The following INSYN2A variants were observed in gnomAD, a reference collection of about 807,000 sequenced individuals.
INSYN2A encodes the protein family with sequence similarity 196 member A.
A neutral mutation model predicts 39.4 loss-of-function variants in INSYN2A; 17 were observed. That is an observed-to-expected ratio of 0.43 (90% confidence interval 0.30 to 0.65). The LOEUF (loss-of-function observed/expected upper bound fraction) is 0.65, where lower values mean the gene tolerates loss of function less well. Ranked by LOEUF, INSYN2A falls within the 30% of genes least tolerant of loss-of-function variation. The probability of loss-of-function intolerance (pLI) is 0.14; values close to 1 mark genes in which losing one functional copy is unlikely to be tolerated. For synonymous variants in INSYN2A, 255 were observed against 265.7 expected (o/e 0.96, Z 0.39); for missense variants, 595 against 631.2 (o/e 0.94, Z 0.61).
chr10:127,190,091 A>G (rs1403776397), intron 2 of INSYN2A, among the ~76,000 whole-genome samples: 1 of 152,132 alleles, frequency 6.6e-6, no homozygotes, highest in East Asian at 1.9e-4. Context: ...AGTGAGATAC[A>G]TTTTCTCAAT....
At chr10:127,142,919 C>T (rs1180648166) in intron 5 of INSYN2A, among the ~76,000 whole-genome samples, 1 of 152,140 alleles carries the variant, frequency 6.6e-6, no homozygotes, top group Non-Finnish European at 1.5e-5. Flanking sequence ...TGTACATTTC[C>T]AAAGAAAGAA....
In INSYN2A at chr10:127,175,493, C is replaced by T. The variant is rs564423956; in HGVS notation, c.903G>A (p.Ser301=). Residue 301 remains serine, a synonymous_variant, in exon 4 of 6, where the codon TCG becomes TCA. Transcript: ENST00000522781. The surrounding 1 kb of genome is among the most constrained non-coding windows in gnomAD (Gnocchi z 6.3). ...GGGGTGAGCAGGCCAGGGCAGTTTC[C>T]GAGGGCGCCTGGAGCCCGTTGAGAT... is the stretch of plus-strand genomic sequence containing the variant. The part of the protein sequence containing the change: ...ATHLNGLQAP[S]ETALACSPPM... 49 of 1,608,822 alleles carry T rather than the reference C, an allele frequency of 3.0e-5. No individual in the cohort carries two copies. The East Asian group carries it at 4.2e-4, about 14-fold the overall frequency.
chr10:127,162,097 T>C (rs2053640168), intron 4 of INSYN2A, among the ~76,000 whole-genome samples: 2 of 152,200 alleles, frequency 1.3e-5, no homozygotes, highest in Non-Finnish European at 2.9e-5. Flanking sequence ...TATTGTCTGA[T>C]TGGTTTCTCT....
At chr10:127,173,280 GAAGA>G (rs770419189) in intron 4 of INSYN2A, among the ~76,000 whole-genome samples, 1 of 152,134 alleles carries the variant, frequency 6.6e-6, no homozygotes, top group Non-Finnish European at 1.5e-5. Context: ...ACTTACAGGT[GAAGA>G]AAGAAGGCAC....
chr10:127,160,588 G>A (rs1304642193), intron 4 of INSYN2A, among the ~76,000 whole-genome samples: 1 of 152,246 alleles, frequency 6.6e-6, no homozygotes, highest in Non-Finnish European at 1.5e-5. Flanking sequence ...ACGTTGGATA[G>A]TGCTGAAATC....
Position 127,175,596 on chromosome 10 carries a change from T to C in INSYN2A, c.800A>G (p.Glu267Gly), listed in dbSNP as rs771951257. 8.2e-5 allele frequency: 132 copies of C among 1,612,418 alleles called. No individual in the cohort carries two copies. The highest frequency in any genetic ancestry group is 1.1e-4 in the Non-Finnish European group (128 of 1,179,910). The change falls in exon 4 of 6, where the codon GAG becomes GGG. Residue 267 changes from glutamate (E) to glycine (G), a missense_variant. Coordinates refer to ENST00000522781, the MANE Select transcript of INSYN2A (RefSeq NM_001039762.3). This position sits in a 1 kb window ranked among gnomAD's most constrained non-coding sequence, Gnocchi z 6.3. Reference sequence around the variant, plus strand: ...GGCTGCAGAGTCTGACAAACCAGGCTCGGGGGCCCTGGCACTGAGGGCAGG... The same window carrying C: ...GGCTGCAGAGTCTGACAAACCAGGCCCGGGGGCCCTGGCACTGAGGGCAGG... ...YAPALSARAPEPGLSDSAAAS... is the reference protein window; with the variant it reads ...YAPALSARAPGPGLSDSAAAS...
At chr10:127,149,908 G>C (rs2052325380) in intron 5 of INSYN2A, among the ~76,000 whole-genome samples, 1 of 152,146 alleles carries the variant, frequency 6.6e-6, no homozygotes, top group Non-Finnish European at 1.5e-5. Context: ...GAAAGTTCCT[G>C]AACTCCCGGA....
chr10:127,168,723 A>T (rs1367060127), intron 4 of INSYN2A, among the ~76,000 whole-genome samples: 1 of 152,206 alleles, frequency 6.6e-6, no homozygotes, highest in Non-Finnish European at 1.5e-5. Context: ...CACTGTGCCC[A>T]GCTTTCCCCT....
intron 2 of INSYN2A, 84 bp downstream of exon 2, chr10:127,192,521 A>G (rs796868009): frequency 1.1e-4 from 17 of 152,320 alleles, no homozygotes; most frequent in African/African-American, 2.9e-4. Context: ...ATACACCTCA[A>G]AGTCCCTCAA....
At chr10:127,187,560 G>A (rs548939739) in intron 2 of INSYN2A, among the ~76,000 whole-genome samples, 2 of 152,236 alleles carry the variant, frequency 1.3e-5, no homozygotes, top group East Asian at 3.9e-4. Flanking sequence ...TTTTTAAAGA[G>A]AGCATATCCT....
At chr10:127,157,221 A>T (rs907761564) in intron 4 of INSYN2A, among the ~76,000 whole-genome samples, 1 of 151,816 alleles carries the variant, frequency 6.6e-6, no homozygotes, top group Non-Finnish European at 1.5e-5. Flanking sequence ...ATGAAAAAGC[A>T]GTCAGTCATC....
intron 4 of INSYN2A, among the ~76,000 whole-genome samples, chr10:127,155,885 G>T (rs528256005): frequency 1.3e-5 from 2 of 152,166 alleles, no homozygotes; most frequent in African/African-American, 4.8e-5. Context: ...CACGGTCCAC[G>T]CTGAATGTGT....
intron 5 of INSYN2A, among the ~76,000 whole-genome samples, chr10:127,141,784 T>C (rs764290145): frequency 4.6e-5 from 7 of 152,186 alleles, no homozygotes; most frequent in Non-Finnish European, 8.8e-5. Flanking sequence ...CCTCCCACAA[T>C]GAGACCCCTT....
chr10:127,191,499 C>T (rs1275621916), intron 2 of INSYN2A, among the ~76,000 whole-genome samples: 1 of 152,098 alleles, frequency 6.6e-6, no homozygotes, highest in African/African-American at 2.4e-5. Flanking sequence ...TCACTTACTA[C>T]AAAAATAAGC....
chr10:127,142,924 A>G (rs2051408238), intron 5 of INSYN2A, among the ~76,000 whole-genome samples: 1 of 152,218 alleles, frequency 6.6e-6, no homozygotes, highest in African/African-American at 2.4e-5. Context: ...ATTTCCAAAG[A>G]AAGAAGAATC....
intron 4 of INSYN2A, among the ~76,000 whole-genome samples, chr10:127,167,479 T>C (rs2054178680): frequency 2.0e-5 from 3 of 152,170 alleles, no homozygotes; most frequent in African/African-American, 7.2e-5. Context: ...CACACTTTTA[T>C]TGATGGAGAT....
At position 127,157,961 on chromosome 10, in the gene INSYN2A, A is replaced by C. The variant is rs11016522; in HGVS notation, c.1185-4038T>G. 7.4e-3 allele frequency among the ~76,000 whole-genome samples: 1,131 copies of C among 152,350 alleles called. 3 individuals carry two copies. The highest frequency in any genetic ancestry group is 0.01 in the Admixed American group (155 of 15,302). ...TATGCCTGCTAAAATTTTATTAAGC[A>C]CGAGAGTGTTCTCAATAGAGGGCTT... On this transcript the variant is annotated intron_variant, in intron 4 of 5. Coordinates refer to ENST00000522781, the MANE Select transcript of INSYN2A (RefSeq NM_001039762.3).
chr10:127,146,624 C>T (rs2051880504), intron 5 of INSYN2A, among the ~76,000 whole-genome samples: 1 of 152,262 alleles, frequency 6.6e-6, no homozygotes, highest in Admixed American at 6.5e-5. Context: ...TACCCTGTCA[C>T]TCACCATAAA....
At chr10:127,164,717 A>G (rs914186576) in intron 4 of INSYN2A, among the ~76,000 whole-genome samples, 2 of 152,222 alleles carry the variant, frequency 1.3e-5, no homozygotes, top group African/African-American at 4.8e-5. Context: ...TCATATTTTC[A>G]TAATATAAAA....
Sources: allele counts gnomAD v4.1 joint callset (sites outside exome capture counted in the v4.1 genomes callset), GRCh38; gene constraint gnomAD v4.1.1; non-coding constraint Gnocchi (gnomAD v3.1); transcripts MANE v1.5; gene names NCBI Gene and HGNC (gene_info 2026-07-23, HGNC 2026-07-21).